The following HNMT variants were observed in gnomAD, a reference collection of about 807,000 sequenced individuals.
HNMT encodes histamine N-methyltransferase.
Under a neutral mutation model 32.1 loss-of-function variants are expected in HNMT, and 30 were observed. The ratio of observed to expected loss-of-function variants is 0.93; its 90% CI spans 0.70 to 1.27. The LOEUF (loss-of-function observed/expected upper bound fraction) is 1.27. Ranked by LOEUF, HNMT falls within the 50% of genes most tolerant of loss-of-function variation. HNMT has a pLI of 0.00. For synonymous variants in HNMT, 125 were observed against 119.0 expected, an observed-to-expected ratio of 1.05 and a Z score of -0.33; for missense variants, 327 against 346.0, an observed-to-expected ratio of 0.95 and a Z score of 0.43.
intron 2 of HNMT, among the ~76,000 whole-genome samples, chr2:137,975,714 G>T (rs986574557): frequency 2.6e-5 from 4 of 152,192 alleles, no homozygotes; most frequent in Non-Finnish European, 5.9e-5. Flanking sequence ...AAGATCCAGT[G>T]TGTCAGGTTT....
intron 2 of HNMT, among the ~76,000 whole-genome samples, chr2:137,975,168 G>A (rs992691621): frequency 5.9e-5 from 9 of 152,206 alleles, no homozygotes; most frequent in Non-Finnish European, 1.3e-4. Flanking sequence ...CAAGGTTGAG[G>A]ATGCAACTGA....
At chr2:137,968,860 T>C (rs1680038402) in intron 1 of HNMT, among the ~76,000 whole-genome samples, 1 of 152,178 alleles carries the variant, frequency 6.6e-6, no homozygotes, top group Non-Finnish European at 1.5e-5. Flanking sequence ...CAAAACACAG[T>C]TTTGTTTGCC....
At chr2:137,987,602 T>C (rs1287985329) in intron 2 of HNMT, among the ~76,000 whole-genome samples, 1 of 1,404 alleles carries the variant, frequency 7.1e-4, no homozygotes, top group Non-Finnish European at 3.8e-3. Context: ...CAATGGCCAC[T>C]TTTTTTTTTT....
chr2:138,001,550 CA>C (rs2104974922), intron 3 of HNMT, among the ~76,000 whole-genome samples: 1 of 152,240 alleles, frequency 6.6e-6, no homozygotes, highest in East Asian at 1.9e-4. Flanking sequence ...AATTTCATAT[CA>C]TTTTCACATA....
intron 2 of HNMT, among the ~76,000 whole-genome samples, chr2:137,982,423 T>C (rs937251510): frequency 3.2e-4 from 49 of 152,250 alleles, no homozygotes; most frequent in African/African-American, 1.1e-3. Context: ...CACAAACATA[T>C]CTGACTTTAA....
rs551176323 is a variant in HNMT at position 138,004,567 on chromosome 2, A to T, written c.430-565A>T. On this transcript the variant is annotated intron_variant, in intron 4 of 5. Coordinates refer to ENST00000280097, the MANE Select transcript of HNMT (RefSeq NM_006895.3). ...AGAATTATTAAAAATGGGTGTCCTG[A>T]CCCCTAAACACCCTGTGACCAAGCA... Among the ~76,000 whole-genome samples, 15 of 152,026 alleles carry T rather than the reference A, an allele frequency of 9.9e-5. No homozygotes were observed. The South Asian group carries it at 3.1e-3, about 32-fold the overall frequency.
intron 2 of HNMT, chr2:137,981,650 T>A (rs1185050343): frequency 2.2e-6 from 1 of 456,080 alleles, no homozygotes. Flanking sequence ...CTTGAGTAAT[T>A]ACTATATATC....
At chr2:138,002,349 G>C in intron 4 of HNMT, 155 bp downstream of exon 4, 1 of 1,065,920 alleles carries the variant, frequency 9.4e-7, no homozygotes, top group South Asian at 4.4e-5. Context: ...AAAAGGTAAA[G>C]ATGTTTATTA....
chr2:138,014,175 T>C lies in HNMT; in HGVS notation c.*45T>C, dbSNP rs771292914. The C allele has an allele frequency of 2.0e-5, 23 of 1,159,312 alleles. No homozygotes were observed. Among genetic ancestry groups the C allele is most frequent in the Non-Finnish European group, 2.8e-5 (23 of 810,874 alleles). The allele number at this position is 1,159,312 out of a possible 1,614,324, so 71.8% of individuals were successfully genotyped here. A position where few individuals can be genotyped will look rare whatever the true frequency, so the allele number is the denominator to read the frequency against. On this transcript the variant is annotated 3_prime_UTR_variant, in exon 6 of 6. Transcript: ENST00000280097. ...ATTCAAAAATTATATTTTGAACAAC[T>C]CGAATCACTCATTTATTTCCATATT... is the stretch of plus-strand genomic sequence containing the variant.
In HNMT at chr2:138,015,758, G is replaced by A. The variant is rs186361904; in HGVS notation, c.*1628G>A. On this transcript the variant is annotated 3_prime_UTR_variant, in exon 6 of 6. Coordinates refer to ENST00000280097, the MANE Select transcript of HNMT (RefSeq NM_006895.3). ...AAGACCTTGAAGAGCTTCACCAGAA[G>A]TATGGAAATCAAGACTTTACAGAGT... 2.4e-4 allele frequency: 36 copies of A among 152,258 alleles called. No individual in the cohort carries two copies. The highest frequency in any genetic ancestry group is 8.4e-4 in the African/African-American group (35 of 41,560). The allele number at this position is 152,258 out of a possible 1,614,324, so 9.4% of individuals were successfully genotyped here.
At chr2:137,970,292 T>C in intron 2 of HNMT, 75 bp downstream of exon 2, 1 of 876,828 alleles carries the variant, frequency 1.1e-6, no homozygotes, top group Non-Finnish European at 1.7e-6. Flanking sequence ...TTGTTCATTT[T>C]TTAGGAAGAC....
At chr2:138,011,852 A>T (rs1249379499) in intron 5 of HNMT, among the ~76,000 whole-genome samples, 6 of 152,270 alleles carry the variant, frequency 3.9e-5, no homozygotes, top group Admixed American at 2.0e-4. Flanking sequence ...GTAGCAGTCT[A>T]TAAATGGATT....
In HNMT at chr2:137,984,274, C is replaced by T. The variant is rs141677197; in HGVS notation, c.190+14057C>T. Among the ~76,000 whole-genome samples the T allele has an allele frequency of 1.4e-3, 218 of 152,222 alleles. 1 individual carries two copies. Among genetic ancestry groups the T allele is most frequent in the African/African-American group, 5.0e-3 (207 of 41,548 alleles). ...TCGTAGGTTATGCATATATTTAATA[C>T]GAATAAGTATTACCAAATTAGTCCC... On this transcript the variant is annotated intron_variant, in intron 2 of 5. Transcript: ENST00000280097.
intron 4 of HNMT, 157 bp downstream of exon 4, chr2:138,002,351 T>C: frequency 9.4e-7 from 1 of 1,059,378 alleles, no homozygotes; most frequent in Non-Finnish European, 1.2e-6. Context: ...AAGGTAAAGA[T>C]GTTTATTATA....
intron 2 of HNMT, among the ~76,000 whole-genome samples, chr2:137,987,493 G>C (rs1485912667): frequency 1.3e-5 from 2 of 150,460 alleles, no homozygotes; most frequent in Non-Finnish European, 2.9e-5. Context: ...AGTTTGGCTT[G>C]TGTTCTCTCT....
intron 1 of HNMT, among the ~76,000 whole-genome samples, chr2:137,968,590 A>G (rs531938143): frequency 6.6e-6 from 1 of 152,350 alleles, no homozygotes; most frequent in East Asian, 1.9e-4. Flanking sequence ...ACATAACAGT[A>G]ACCTGGGATT....
At chr2:137,982,466 G>A (rs147928433) in intron 2 of HNMT, among the ~76,000 whole-genome samples, 32 of 152,260 alleles carry the variant, frequency 2.1e-4, no homozygotes, top group African/African-American at 7.0e-4. Context: ...AGCCCAGAAT[G>A]GAAACATGGG....
intron 2 of HNMT, among the ~76,000 whole-genome samples, chr2:137,976,480 T>C (rs2104935525): frequency 6.6e-6 from 1 of 152,254 alleles, no homozygotes; most frequent in Non-Finnish European, 1.5e-5. Flanking sequence ...AGTCACCTTC[T>C]AGAAAAGAGG....
intron 2 of HNMT, chr2:137,981,204 C>T: frequency 6.2e-7 from 1 of 1,612,528 alleles, no homozygotes; most frequent in Non-Finnish European, 8.5e-7. Flanking sequence ...CCCCTATTTT[C>T]TTGACCTGCA....
Sources: allele counts gnomAD v4.1 joint callset (sites outside exome capture counted in the v4.1 genomes callset), GRCh38; gene constraint gnomAD v4.1.1; transcripts MANE v1.5; gene names NCBI Gene and HGNC (gene_info 2026-07-23, HGNC 2026-07-21).